The following ZZZ3 variants were observed in gnomAD, a reference collection of about 807,000 sequenced individuals.
ZZZ3 encodes the protein ZZ-type zinc finger-containing protein 3.
A neutral mutation model predicts 95.2 loss-of-function variants in ZZZ3; 22 were observed. The observed-to-expected ratio is 0.23, with a 90% CI of 0.17 to 0.33. The LOEUF is 0.33. ZZZ3 is among the 10% of genes least tolerant of loss of function. The probability of loss-of-function intolerance (pLI) is 1.00; values close to 1 mark genes in which losing one functional copy is unlikely to be tolerated. For synonymous variants in ZZZ3, 335 were observed against 358.9 expected, an observed-to-expected ratio of 0.93 and a Z score of 0.75; for missense variants, 885 against 1,066.5, an observed-to-expected ratio of 0.83 and a Z score of 2.37.
chr1:77,639,387 A>G (rs1181380095), intron 4 of ZZZ3, 62 bp downstream of exon 4: 2 of 1,397,388 alleles, frequency 1.4e-6, no homozygotes, highest in Middle Eastern at 1.8e-4. Flanking sequence ...CATCTCAAAA[A>G]AAAAAAAGAA....
intron 1 of ZZZ3, among the ~76,000 whole-genome samples, chr1:77,643,305 T>A (rs781586735): frequency 2.6e-5 from 4 of 152,238 alleles, no homozygotes; most frequent in Non-Finnish European, 5.9e-5. Flanking sequence ...CTTCACCTCA[T>A]TCAATATACA....
chr1:77,661,055 CAAAA>C (rs201335878), intron 1 of ZZZ3, among the ~76,000 whole-genome samples: 3 of 80,390 alleles, frequency 3.7e-5, no homozygotes, highest in Non-Finnish European at 8.5e-5. Flanking sequence ...TGCTTTAACG[CAAAA>C]AAAAAAAAAA....
chr1:77,640,663 T>C (rs1357615090), intron 3 of ZZZ3, among the ~76,000 whole-genome samples: 1 of 151,130 alleles, frequency 6.6e-6, no homozygotes, highest in African/African-American at 2.4e-5. Context: ...AGTGCCCATC[T>C]GAAAACAAGG....
In ZZZ3 at chr1:77,570,270, T is replaced by A. The variant is rs536840242; in HGVS notation, c.2332-1804A>T. 2.0e-3 allele frequency among the ~76,000 whole-genome samples: 307 copies of A among 152,156 alleles called. 3 individuals carry two copies. Among genetic ancestry groups the A allele is most frequent in the African/African-American group, 7.1e-3 (293 of 41,540 alleles). On this transcript the variant is annotated intron_variant, in intron 12 of 14. Transcript: ENST00000370801. ...GGTGCCCGTCACCACACCCAGCTAA[T>A]TTTTTTGTATTTTTAGTACAGACGG... is the stretch of plus-strand genomic sequence containing the variant.
At chr1:77,648,721 G>A (rs975607836) in intron 1 of ZZZ3, among the ~76,000 whole-genome samples, 54 of 152,116 alleles carry the variant, frequency 3.5e-4, no homozygotes, top group African/African-American at 1.9e-4. Context: ...TCATCAAGAC[G>A]CCTAAAACAT....
At position 77,598,570 on chromosome 1, in the gene ZZZ3, T is replaced by G. The variant is rs556883336; in HGVS notation, c.1506-13915A>C. Among the ~76,000 whole-genome samples the G allele has an allele frequency of 5.9e-5, 9 of 152,292 alleles. No homozygotes were observed. In the East Asian group the frequency reaches 1.5e-3, roughly 26 times the overall value. ...TTTAGTTAAGGTACATATTTAAGATTGCACCAGTTGAAATATCACAATTTA... is the reference window on the plus strand; with the variant it reads ...TTTAGTTAAGGTACATATTTAAGATGGCACCAGTTGAAATATCACAATTTA... On this transcript the variant is annotated intron_variant, in intron 5 of 14. Transcript: ENST00000370801.
intron 5 of ZZZ3, among the ~76,000 whole-genome samples, chr1:77,618,042 C>T (rs971342542): frequency 5.3e-5 from 8 of 152,016 alleles, no homozygotes; most frequent in Non-Finnish European, 8.8e-5. Flanking sequence ...AGTGGGTGCA[C>T]CATTTTACCC....
At chr1:77,580,800 T>C in intron 9 of ZZZ3, 198 bp downstream of exon 9, 1 of 479,778 alleles carries the variant, frequency 2.1e-6, no homozygotes, top group Non-Finnish European at 3.8e-6. Flanking sequence ...CCCGGCTAAT[T>C]TTTGTATTTT....
At chr1:77,603,711 C>T (rs1247158692) in intron 5 of ZZZ3, among the ~76,000 whole-genome samples, 1 of 151,926 alleles carries the variant, frequency 6.6e-6, no homozygotes, top group Non-Finnish European at 1.5e-5. Flanking sequence ...TTTTTATACT[C>T]AAGGTCTAAT....
chr1:77,616,380 A>G (rs975253376), intron 5 of ZZZ3, among the ~76,000 whole-genome samples: 55 of 152,354 alleles, frequency 3.6e-4, no homozygotes, highest in African/African-American at 1.3e-3. Flanking sequence ...GTAAATGTCC[A>G]TTGAACCCTG....
intron 5 of ZZZ3, among the ~76,000 whole-genome samples, chr1:77,614,659 A>G (rs1666135119): frequency 6.6e-6 from 1 of 152,162 alleles, no homozygotes; most frequent in African/African-American, 2.4e-5. Context: ...TTTGAGAAAA[A>G]ATAAATTTTA....
intron 9 of ZZZ3, chr1:77,580,099 T>G (rs1290749755): frequency 6.6e-6 from 1 of 152,522 alleles, no homozygotes. Context: ...ATTCAAATAT[T>G]TGATTTTAAT....
At position 77,580,996 on chromosome 1, in the gene ZZZ3, A is replaced by C. The variant is rs1296846953; in HGVS notation, c.1980+2T>G. On this transcript the variant is annotated splice_donor_variant, in intron 9 of 14. Transcript: ENST00000370801. LOFTEE classifies it high-confidence loss of function. Reference sequence around the variant, plus strand: ...CCTACACGATTTTGAAATATTTATTACCTGTTCTTCAACAGTCCACAACTG... The same window carrying C: ...CCTACACGATTTTGAAATATTTATTCCCTGTTCTTCAACAGTCCACAACTG... The C allele has an allele frequency of 6.2e-7, 1 of 1,612,808 alleles. No homozygotes were observed. The highest frequency in any genetic ancestry group is 8.5e-7 in the Non-Finnish European group (1 of 1,179,010).
At chr1:77,613,531 A>G (rs990029595) in intron 5 of ZZZ3, among the ~76,000 whole-genome samples, 1 of 151,774 alleles carries the variant, frequency 6.6e-6, no homozygotes, top group South Asian at 2.1e-4. Flanking sequence ...GTTTCTTGGT[A>G]TATGTTTATA....
intron 1 of ZZZ3, among the ~76,000 whole-genome samples, chr1:77,662,740 G>A (rs898147487): frequency 7.2e-5 from 11 of 152,004 alleles, no homozygotes; most frequent in Admixed American, 2.6e-4. Flanking sequence ...ACAGTGAGCC[G>A]AATTCATGCC....
At chr1:77,671,508 CCA>C (rs1671783099) in intron 1 of ZZZ3, among the ~76,000 whole-genome samples, 2 of 152,168 alleles carry the variant, frequency 1.3e-5, no homozygotes, top group Admixed American at 6.5e-5. Context: ...CTCCAAAACT[CCA>C]CAGTTTGAGT....
chr1:77,593,499 G>C (rs1476606392), intron 5 of ZZZ3, among the ~76,000 whole-genome samples: 1 of 152,130 alleles, frequency 6.6e-6, no homozygotes, highest in African/African-American at 2.4e-5. Flanking sequence ...ACACATATAG[G>C]TGGTTACAAG....
intron 5 of ZZZ3, among the ~76,000 whole-genome samples, chr1:77,594,395 CTTATT>C (rs1409542223): frequency 1.3e-5 from 2 of 152,024 alleles, no homozygotes; most frequent in African/African-American, 4.8e-5. Flanking sequence ...AAATGAATGT[CTTATT>C]TTATTATATT....
At chr1:77,679,177 T>C (rs147758827) in intron 1 of ZZZ3, among the ~76,000 whole-genome samples, 1 of 152,312 alleles carries the variant, frequency 6.6e-6, no homozygotes, top group East Asian at 1.9e-4. Flanking sequence ...ATCAGAGCAT[T>C]AACTACAGAA....
Sources: gnomAD v4.1 joint callset for allele counts (sites outside exome capture counted in the v4.1 genomes callset) on GRCh38, gnomAD v4.1.1 for gene constraint, MANE v1.5 for transcripts, NCBI Gene and HGNC (gene_info 2026-07-23, HGNC 2026-07-21) for gene names.